The following LIMCH1 variants were observed in gnomAD, a reference collection of about 807,000 sequenced individuals.
LIMCH1 encodes the protein LIM and calponin homology domains 1.
A neutral mutation model predicts 176.5 loss-of-function variants in LIMCH1; 113 were observed. That is an observed-to-expected ratio of 0.64 (90% confidence interval 0.55 to 0.75). LIMCH1 has a LOEUF of 0.75. LIMCH1 is among the 30% of genes least tolerant of loss of function. LIMCH1 has a pLI of 0.00. For synonymous variants in LIMCH1, 619 were observed against 645.9 expected (o/e 0.96, Z 0.63); for missense variants, 1,674 against 1,814.9 (o/e 0.92, Z 1.41).
intron 2 of LIMCH1, among the ~76,000 whole-genome samples, chr4:41,601,758 C>T (rs4635844): frequency 5.9e-5 from 9 of 152,154 alleles, no homozygotes; most frequent in Non-Finnish European, 1.3e-4. Context: ...ATGGAATAAA[C>T]TATCGGATTT....
chr4:41,691,592 CAAA>C lies in LIMCH1; in HGVS notation c.4276-670_4276-668del, dbSNP rs796984431. On this transcript the variant is annotated intron_variant, in intron 30 of 31. Transcript: ENST00000503057. ...TGAAACTCCATCTTTACTAAAAATACAAAAAAAAAAAAAAAAAAAAAATAGCCA... is the reference window on the plus strand; with the variant it reads ...TGAAACTCCATCTTTACTAAAAATACAAAAAAAAAAAAAAAAAAATAGCCA... Among the ~76,000 whole-genome samples, 15 of 62,392 alleles carry C rather than the reference CAAA, an allele frequency of 2.4e-4. No homozygotes were observed. In the Middle Eastern group the frequency reaches 0.04, roughly 166 times the overall value. 40.9% of individuals were successfully genotyped at this position (62,392 alleles called of 152,430 possible). A position where few individuals can be genotyped will look rare whatever the true frequency, so the allele number is the denominator to read the frequency against.
chr4:41,372,433 A>G (rs2054118455), intron 1 of LIMCH1, among the ~76,000 whole-genome samples: 1 of 152,132 alleles, frequency 6.6e-6, no homozygotes, highest in Non-Finnish European at 1.5e-5. Context: ...TTGGGACATT[A>G]TTCATACATT....
intron 1 of LIMCH1, among the ~76,000 whole-genome samples, chr4:41,466,295 T>C (rs558920046): frequency 6.6e-6 from 1 of 152,268 alleles, no homozygotes; most frequent in East Asian, 1.9e-4. Flanking sequence ...TGACCTCTAC[T>C]CTAGATCAGT....
chr4:41,598,785 T>C, intron 1 of LIMCH1, 135 bp from the exon 2 acceptor site: 1 of 459,876 alleles, frequency 2.2e-6, no homozygotes, highest in South Asian at 4.7e-5. Context: ...CAAAGTATGA[T>C]TTGTTATGCA....
chr4:41,633,950 G>A lies in LIMCH1; in HGVS notation c.2090+142G>A, dbSNP rs1013685600. 2.0e-5 allele frequency: 19 copies of A among 930,468 alleles called. No individual in the cohort carries two copies. In the Admixed American group the frequency reaches 3.4e-4, roughly 17 times the overall value. The allele number at this position is 930,468 out of a possible 1,614,324, so 57.6% of individuals were successfully genotyped here. On this transcript the variant is annotated intron_variant, in intron 13 of 31. Coordinates refer to ENST00000503057, the MANE Select transcript of LIMCH1 (RefSeq NM_001330672.2). ...AATGATCAAAATTGGCCTCATCTGC[G>A]AAGAAATTTTTCCTCTTTTTACATG...
At chr4:41,559,039 T>A (rs2081698582) in intron 1 of LIMCH1, among the ~76,000 whole-genome samples, 1 of 152,162 alleles carries the variant, frequency 6.6e-6, no homozygotes, top group Non-Finnish European at 1.5e-5. Context: ...TCTTCGTGGC[T>A]GAAAAAAAAT....
chr4:41,509,167 A>G (rs981836314), intron 2 of LIMCH1, among the ~76,000 whole-genome samples: 1 of 152,190 alleles, frequency 6.6e-6, no homozygotes, highest in African/African-American at 2.4e-5. Context: ...TAACTGGGAT[A>G]TATGGTCACC....
chr4:41,360,892 C>T lies in LIMCH1; in HGVS notation c.52C>T (p.Pro18Ser), dbSNP rs866275714. ...AGCTCTTCAGCCCCTGCAGCCCGAGCCGCCCCCCGAGCCCGCCTTCTCCGA... is the reference window on the plus strand; with the variant it reads ...AGCTCTTCAGCCCCTGCAGCCCGAGTCGCCCCCCGAGCCCGCCTTCTCCGA... Residue 18 changes from proline (P) to serine (S), a missense_variant, in exon 1 of 27, where the codon CCG (proline) becomes TCG (serine). Transcript: ENST00000313860. This position sits in a 1 kb window ranked among gnomAD's most constrained non-coding sequence, Gnocchi z 4.5. 2.5e-6 allele frequency: 4 copies of T among 1,587,770 alleles called. No homozygotes were observed. The highest frequency in any genetic ancestry group is 1.8e-5 in the Admixed American group (1 of 55,490).
At chr4:41,507,948 T>C (rs1169627873) in intron 2 of LIMCH1, among the ~76,000 whole-genome samples, 1 of 151,744 alleles carries the variant, frequency 6.6e-6, no homozygotes, top group Non-Finnish European at 1.5e-5. Context: ...CACATTTAGG[T>C]GGAGACCTGA....
intron 1 of LIMCH1, among the ~76,000 whole-genome samples, chr4:41,363,642 CT>C (rs2154091666): frequency 6.6e-6 from 1 of 152,264 alleles, no homozygotes; most frequent in South Asian, 2.1e-4. Context: ...GGCGTGCAGC[CT>C]TGGCTATTTG....
chr4:41,436,953 A>G (rs1328034859), intron 1 of LIMCH1, among the ~76,000 whole-genome samples: 1 of 152,194 alleles, frequency 6.6e-6, no homozygotes, highest in Non-Finnish European at 1.5e-5. Flanking sequence ...TATGTCAAAT[A>G]CTGTCACGGA....
At chr4:41,416,531 G>A (rs1005915410) in intron 1 of LIMCH1, among the ~76,000 whole-genome samples, 5 of 151,616 alleles carry the variant, frequency 3.3e-5, no homozygotes, top group African/African-American at 1.2e-4. Context: ...GGTAGCGGGC[G>A]CCTGTAATCC....
intron 2 of LIMCH1, among the ~76,000 whole-genome samples, chr4:41,502,998 T>TCCATCC (rs1561567316): frequency 2.6e-4 from 16 of 60,680 alleles, no homozygotes; most frequent in Non-Finnish European, 4.9e-4. Context: ...CTGGTCTGTC[T>TCCATCC]GTCCATCCAT....
At chr4:41,484,456 A>G (rs1416185224) in intron 1 of LIMCH1, among the ~76,000 whole-genome samples, 1 of 152,234 alleles carries the variant, frequency 6.6e-6, no homozygotes, top group Non-Finnish European at 1.5e-5. Flanking sequence ...GTTTCTAGCA[A>G]TCCCACAAAG....
intron 1 of LIMCH1, among the ~76,000 whole-genome samples, chr4:41,593,119 A>C (rs2087964272): frequency 1.3e-5 from 2 of 152,142 alleles, no homozygotes; most frequent in Non-Finnish European, 2.9e-5. Flanking sequence ...AGTGAGTTGC[A>C]AGGATGTCTT....
At chr4:41,525,714 C>G (rs2076573063) in intron 3 of LIMCH1, among the ~76,000 whole-genome samples, 1 of 151,670 alleles carries the variant, frequency 6.6e-6, no homozygotes. Flanking sequence ...TTGAATAGTT[C>G]TATAAAATAA....
chr4:41,560,784 C>T (rs539656057), intron 1 of LIMCH1, among the ~76,000 whole-genome samples: 15 of 152,118 alleles, frequency 9.9e-5, no homozygotes, highest in Admixed American at 8.5e-4. Context: ...TTTGGGAGAC[C>T]AAGGTAGATG....
At chr4:41,632,468 A>T (rs1482086930) in intron 10 of LIMCH1, among the ~76,000 whole-genome samples, 1 of 152,066 alleles carries the variant, frequency 6.6e-6, no homozygotes, top group Non-Finnish European at 1.5e-5. Flanking sequence ...GGGGGTAGGA[A>T]ATTAATAAGA....
chr4:41,383,997 G>A (rs1405302611), intron 1 of LIMCH1, among the ~76,000 whole-genome samples: 1 of 152,152 alleles, frequency 6.6e-6, no homozygotes, highest in Non-Finnish European at 1.5e-5. Context: ...TTTTCAAGAA[G>A]GAAGGGAGGA....
Sources: gnomAD v4.1 joint callset for allele counts (sites outside exome capture counted in the v4.1 genomes callset) on GRCh38, gnomAD v4.1.1 for gene constraint, Gnocchi (gnomAD v3.1) non-coding constraint, MANE v1.5 for transcripts, NCBI Gene and HGNC (gene_info 2026-07-23, HGNC 2026-07-21) for gene names.